COX11: variants seen among roughly 807,000 people sequenced by gnomAD.
COX11 encodes the protein cytochrome c oxidase copper chaperone COX11.
In COX11, 18 loss-of-function variants were observed where a neutral mutation model predicts 29.4. The ratio of observed to expected loss-of-function variants is 0.61; its 90% confidence interval spans 0.42 to 0.91. COX11 has a LOEUF of 0.91. COX11 is among the 40% of genes least tolerant of loss of function. The pLI, the probability that COX11 is intolerant of heterozygous loss-of-function variation, is 0.00. For missense variants in COX11, 312 were observed against 346.0 expected (o/e 0.90, Z 0.78); for synonymous variants, 131 against 124.0 (o/e 1.06, Z -0.38).
Position 54,961,082 on chromosome 17 carries a change from C to A in COX11, c.*1651G>T. 1 of 653,510 alleles carries A rather than the reference C, an allele frequency of 1.5e-6. No homozygotes were observed. The allele number at this position is 653,510 out of a possible 1,614,324, so 40.5% of individuals were successfully genotyped here. Reference sequence around the variant, plus strand: ...TGAACTATCAAAACTTATTTATTCCCCTTATACCCTCCCCTATGGAAGAAG... The same window carrying A: ...TGAACTATCAAAACTTATTTATTCCACTTATACCCTCCCCTATGGAAGAAG... On this transcript the variant is annotated 3_prime_UTR_variant, in exon 4 of 4. Transcript: ENST00000299335.
chr17:54,964,131 A>G (rs1219958279), intron 2 of COX11, among the ~76,000 whole-genome samples: 2 of 152,148 alleles, frequency 1.3e-5, no homozygotes, highest in Non-Finnish European at 2.9e-5. Context: ...CTAATCCTCA[A>G]TTAATGAGAT....
rs1326462982 is a variant in COX11 at position 54,962,843 on chromosome 17, G to C, written c.721C>G (p.Pro241Ala). ...ATTCTTGGATCTTCAGCAAATTCAG[G>C]ATCAATGTAGAAAAACACTGGCATA... ...VDMPVFFYID[P>A]EFAEDPRMIK... Residue 241 changes from proline (P) to alanine (A), a missense_variant, in exon 4 of 4, where the codon CCT (proline) becomes GCT (alanine). Pro to Ala is a conservative substitution (Grantham distance 27). Transcript: ENST00000299335. 14 of 1,612,964 alleles carry C rather than the reference G, an allele frequency of 8.7e-6. No individual in the cohort carries two copies. The highest frequency in any genetic ancestry group is 1.2e-5 in the Non-Finnish European group (14 of 1,179,326).
intron 1 of COX11, among the ~76,000 whole-genome samples, chr17:54,965,289 G>A (rs1403036409): frequency 6.6e-6 from 1 of 152,138 alleles, no homozygotes; most frequent in Non-Finnish European, 1.5e-5. Context: ...ATTCCTGTCT[G>A]GTCCTTTTCC....
In COX11 at chr17:54,961,772, T is replaced by C. The variant is rs1467310031; in HGVS notation, c.*961A>G. On this transcript the variant is annotated 3_prime_UTR_variant, in exon 4 of 4. Transcript: ENST00000299335. ...CTTGATAATTGTCATTTAATTATAT[T>C]TCAGGTGTCCTGAACAGGTCACTAG... 2.3e-5 allele frequency: 23 copies of C among 1,013,850 alleles called. No homozygotes were observed. Among genetic ancestry groups the C allele is most frequent in the Non-Finnish European group, 2.6e-5 (22 of 848,338 alleles). 62.8% of individuals were successfully genotyped at this position (1,013,850 alleles called of 1,614,324 possible).
chr17:54,964,971 G>A, intron 1 of COX11, 119 bp from the exon 2 acceptor site: 1 of 899,750 alleles, frequency 1.1e-6, no homozygotes, highest in Non-Finnish European at 1.7e-6. Context: ...GTTTACATAT[G>A]GTAACTGACC....
chr17:54,962,050 A>G lies in COX11; in HGVS notation c.*683T>C, dbSNP rs2077139407. 1.0e-6 allele frequency: 1 copy of G among 984,422 alleles called. No homozygotes were observed. The highest frequency in any genetic ancestry group is 4.7e-5 in the South Asian group (1 of 21,274). The allele number at this position is 984,422 out of a possible 1,614,324, so 61.0% of individuals were successfully genotyped here. A position where few individuals can be genotyped will look rare whatever the true frequency, so the allele number is the denominator to read the frequency against. On this transcript the variant is annotated 3_prime_UTR_variant, in exon 4 of 4. Transcript: ENST00000299335. ...ATCCCACCTGTACATTTTAACATTC[A>G]TGGACTTGTAATGGTGATGCTTTGG...
exon 1 of COX11, chr17:54,953,226 A>C (rs1193040882): frequency 2.6e-5 from 4 of 152,016 alleles, no homozygotes; most frequent in African/African-American, 9.7e-5. Flanking sequence ...AAACAAACAA[A>C]AAAATCAGCC....
chr17:54,965,690 G>A (rs188312748), intron 1 of COX11, among the ~76,000 whole-genome samples: 22 of 152,216 alleles, frequency 1.4e-4, no homozygotes, highest in African/African-American at 4.8e-4. Context: ...TTAGCCGGGT[G>A]TGGTGACACG....
downstream of COX11, chr17:54,959,151 ACAT>A (rs1354972391): frequency 6.6e-6 from 1 of 152,192 alleles, no homozygotes; most frequent in African/African-American, 2.4e-5. Flanking sequence ...TTTTAGGGAA[ACAT>A]TAAAATTGTA....
At chr17:54,963,681 G>A (rs1255649311) in intron 2 of COX11, among the ~76,000 whole-genome samples, 4 of 152,000 alleles carry the variant, frequency 2.6e-5, no homozygotes, top group African/African-American at 9.7e-5. Context: ...TTGTATATTT[G>A]AGGTCTTCAA....
downstream of COX11, among the ~76,000 whole-genome samples, chr17:54,959,999 A>G (rs922907283): frequency 3.3e-5 from 5 of 152,114 alleles, no homozygotes; most frequent in African/African-American, 1.2e-4. Flanking sequence ...TTTGAGTCAT[A>G]TTTCTCATTT....
At position 54,960,758 on chromosome 17, in the gene COX11, T is replaced by A; in HGVS notation, c.*1975A>T. ...TGACACTTTGAAATATGAGTTCCCC[T>A]GAATCATTCAAATTGTGCTGAACCA... On this transcript the variant is annotated 3_prime_UTR_variant, in exon 4 of 4. Transcript: ENST00000299335. 1.5e-6 allele frequency: 1 copy of A among 675,408 alleles called. No individual in the cohort carries two copies. The highest frequency in any genetic ancestry group is 2.7e-5 in the East Asian group (1 of 36,612). The allele number at this position is 675,408 out of a possible 1,614,324, so 41.8% of individuals were successfully genotyped here.
intron 2 of COX11, among the ~76,000 whole-genome samples, chr17:54,964,158 C>T (rs1046393447): frequency 6.6e-6 from 1 of 152,100 alleles, no homozygotes; most frequent in Non-Finnish European, 1.5e-5. Context: ...TAAAATCTTT[C>T]TTACAGTTGG....
intron 1 of COX11, among the ~76,000 whole-genome samples, chr17:54,965,144 A>G (rs539658980): frequency 4.6e-5 from 7 of 152,236 alleles, no homozygotes; most frequent in Non-Finnish European, 1.0e-4. Context: ...TATCACTGAT[A>G]GTCGAACTCA....
chr17:54,952,693 C>A (rs1010423822), exon 1 of COX11: 4 of 152,156 alleles, frequency 2.6e-5, no homozygotes, highest in African/African-American at 9.7e-5. Context: ...TGCACACTCT[C>A]CTCCTCCCTG....
In COX11 at chr17:54,963,259, T is replaced by C. The variant is rs767736005; in HGVS notation, c.648+47A>G. ...AAACACTAAGTTTCATACTAAACCGTTTCATGTATCTTTATCATATTCTGT... is the reference window on the plus strand; with the variant it reads ...AAACACTAAGTTTCATACTAAACCGCTTCATGTATCTTTATCATATTCTGT... On this transcript the variant is annotated intron_variant, in intron 3 of 3. Coordinates refer to ENST00000299335, the MANE Select transcript of COX11 (RefSeq NM_004375.5). 3.8e-6 allele frequency: 6 copies of C among 1,571,154 alleles called. No homozygotes were observed. The South Asian group carries it at 7.1e-5, about 18-fold the overall frequency.
Position 54,963,287 on chromosome 17 carries a change from A to C in COX11, c.648+19T>G, listed in dbSNP as rs143175232. The C allele has an allele frequency of 4.2e-4, 666 of 1,603,646 alleles. 7 individuals are homozygous for C. In the East Asian group the frequency reaches 0.013, roughly 32 times the overall value. ...CATGTATCTTTATCATATTCTGTAA[A>C]GTTTACACTTTGATGTACCTGTATT... On this transcript the variant is annotated intron_variant, in intron 3 of 3. Coordinates refer to ENST00000299335, the MANE Select transcript of COX11 (RefSeq NM_004375.5).
At chr17:54,964,885 C>G (rs2077191351) in intron 1 of COX11, 33 bp from the exon 2 acceptor site, 1 of 1,592,828 alleles carries the variant, frequency 6.3e-7, no homozygotes, top group East Asian at 2.2e-5. Context: ...TTAAACAATA[C>G]TTTTAGGTGT....
upstream of COX11, among the ~76,000 whole-genome samples, chr17:54,955,391 A>G (rs777451499): frequency 5.1e-4 from 78 of 152,286 alleles, no homozygotes; most frequent in African/African-American, 1.7e-3. Flanking sequence ...TAACCTTTGT[A>G]TCACTGCATT....
Sources: gnomAD v4.1 joint callset for allele counts (sites outside exome capture counted in the v4.1 genomes callset) on GRCh38, gnomAD v4.1.1 for gene constraint, MANE v1.5 for transcripts, NCBI Gene and HGNC (gene_info 2026-07-23, HGNC 2026-07-21) for gene names.